BRAF: variants seen among roughly 807,000 people sequenced by gnomAD.
The protein encoded by BRAF is serine/threonine-protein kinase B-raf.
BRAF carries 16 observed loss-of-function variants against 104.6 expected under a neutral mutation model. The observed-to-expected ratio is 0.15, with a 90% CI of 0.10 to 0.23. The LOEUF (loss-of-function observed/expected upper bound fraction) is 0.23. Among genes scored for constraint, BRAF ranks in the 10% least tolerant of loss-of-function variants. The probability of loss-of-function intolerance (pLI) is 1.00; values close to 1 mark genes in which losing one functional copy is unlikely to be tolerated. For missense variants in BRAF, 541 were observed against 937.3 expected (o/e 0.58, Z 5.52); for synonymous variants, 310 against 341.6 (o/e 0.91, Z 1.02).
intron 1 of BRAF, among the ~76,000 whole-genome samples, chr7:140,874,077 T>C (rs975325680): frequency 1.3e-5 from 2 of 151,960 alleles, no homozygotes; most frequent in Admixed American, 6.5e-5. Flanking sequence ...AGTCCAACTA[T>C]AAAACTTGGA....
chr7:140,843,021 T>C (rs928558878), intron 2 of BRAF, among the ~76,000 whole-genome samples: 1 of 152,210 alleles, frequency 6.6e-6, no homozygotes, highest in African/African-American at 2.4e-5. Context: ...GGGGTTTCTG[T>C]TGAAATGTTA....
chr7:140,762,494 G>A (rs1357435508), intron 14 of BRAF, among the ~76,000 whole-genome samples: 4 of 149,646 alleles, frequency 2.7e-5, no homozygotes, highest in Non-Finnish European at 4.4e-5. Context: ...AAAAGCAAGA[G>A]CAAACACATT....
intron 2 of BRAF, among the ~76,000 whole-genome samples, chr7:140,837,579 A>AT (rs1807479712): frequency 6.6e-6 from 1 of 152,084 alleles, no homozygotes; most frequent in Non-Finnish European, 1.5e-5. Flanking sequence ...CAATTGTTCT[A>AT]TTTTTTCCTG....
At chr7:140,742,810 T>C (rs926390418) in intron 17 of BRAF, among the ~76,000 whole-genome samples, 6 of 151,930 alleles carry the variant, frequency 3.9e-5, no homozygotes, top group Admixed American at 3.9e-4. Context: ...AGAAAATTTT[T>C]GCAACCTACT....
rs1795232458 is a variant in BRAF at position 140,719,719 on chromosome 7, A to G, written c.*6775T>C. On this transcript the variant is annotated 3_prime_UTR_variant, in exon 20 of 20. Transcript: ENST00000644969. Reference sequence around the variant, plus strand: ...AATAAATGTCTTTTTTATGAATTGAAAAATAAGCTTTAAAAATAGTTACTC... The same window carrying G: ...AATAAATGTCTTTTTTATGAATTGAGAAATAAGCTTTAAAAATAGTTACTC... 1 of 1,061,694 alleles carries G rather than the reference A, an allele frequency of 9.4e-7. No individual in the cohort carries two copies. Among genetic ancestry groups the G allele is most frequent in the South Asian group, 4.6e-5 (1 of 21,940 alleles). The allele number at this position is 1,061,694 out of a possible 1,614,324, so 65.8% of individuals were successfully genotyped here.
At chr7:140,856,730 TAAAC>T (rs1039910750) in intron 1 of BRAF, among the ~76,000 whole-genome samples, 1 of 150,706 alleles carries the variant, frequency 6.6e-6, no homozygotes. Context: ...ATCTGGGAGG[TAAAC>T]AGGGAATGGG....
Position 140,834,680 on chromosome 7 carries a change from C to A in BRAF, c.433G>T (p.Ala145Ser), listed in dbSNP as rs1369170225. 6.2e-7 allele frequency: 1 copy of A among 1,614,126 alleles called. No homozygotes were observed. The highest frequency in any genetic ancestry group is 8.5e-7 in the Non-Finnish European group (1 of 1,180,002). Reference sequence around the variant, plus strand: ...TGTGGTGACTTGGGGTTGCTCCGTGCCACATCTGTGGGATTTTGAAAAACT... The same window carrying A: ...TGTGGTGACTTGGGGTTGCTCCGTGACACATCTGTGGGATTTTGAAAAACT... ...LSVFQNPTDV[A>S]RSNPKSPQKP... is the part of the protein sequence containing the mutation. The change falls in exon 3 of 20, where the codon GCA becomes TCA. Residue 145 changes from alanine to serine, a missense_variant. By Grantham distance (99) the Ala-to-Ser change is moderately conservative. Around this residue, in one of 10 missense-constraint regions of BRAF, gnomAD observed 86 missense variants for 133.9 expected, o/e 0.64. Transcript: ENST00000644969.
chr7:140,749,970 G>A (rs1392318919), intron 16 of BRAF, among the ~76,000 whole-genome samples: 1 of 152,146 alleles, frequency 6.6e-6, no homozygotes, highest in African/African-American at 2.4e-5. Flanking sequence ...AACATGCCAT[G>A]GATGCTTTAT....
intron 17 of BRAF, among the ~76,000 whole-genome samples, chr7:140,743,419 T>A (rs1376354734): frequency 1.3e-5 from 2 of 152,182 alleles, no homozygotes; most frequent in Admixed American, 1.3e-4. Context: ...TCATGTCCTT[T>A]GTAGGGACAT....
chr7:140,810,693 G>A (rs1229918698), intron 3 of BRAF, among the ~76,000 whole-genome samples: 1 of 152,166 alleles, frequency 6.6e-6, no homozygotes, highest in African/African-American at 2.4e-5. Flanking sequence ...CTCATTACTT[G>A]TGGAGTCCAT....
intron 1 of BRAF, among the ~76,000 whole-genome samples, chr7:140,875,145 T>C (rs1013298069): frequency 1.6e-4 from 25 of 152,148 alleles, no homozygotes; most frequent in African/African-American, 6.0e-4. Flanking sequence ...GAGTAATACA[T>C]CAGGGATCTA....
At chr7:140,906,303 G>A (rs1816327013) in intron 1 of BRAF, among the ~76,000 whole-genome samples, 2 of 151,892 alleles carry the variant, frequency 1.3e-5, no homozygotes, top group Non-Finnish European at 2.9e-5. Flanking sequence ...CTGGGCTCAA[G>A]CGATCCTCTC....
intron 1 of BRAF, among the ~76,000 whole-genome samples, chr7:140,906,393 G>A (rs1431753352): frequency 6.6e-6 from 1 of 152,166 alleles, no homozygotes; most frequent in Non-Finnish European, 1.5e-5. Flanking sequence ...GTAGAGACGG[G>A]ATTTCACTAT....
chr7:140,737,622 G>A (rs1328518080), intron 18 of BRAF, among the ~76,000 whole-genome samples: 1 of 152,028 alleles, frequency 6.6e-6, no homozygotes, highest in East Asian at 1.9e-4. Flanking sequence ...CTATATAGAA[G>A]TTTAAAAATT....
At chr7:140,777,880 A>G (rs1800484291) in intron 13 of BRAF, 111 bp downstream of exon 12, 3 of 1,084,640 alleles carry the variant, frequency 2.8e-6, no homozygotes, top group African/African-American at 1.6e-5. Flanking sequence ...TGTTTCTACA[A>G]ATTTATTCAT....
chr7:140,810,937 T>G (rs1419952294), intron 3 of BRAF, among the ~76,000 whole-genome samples: 2 of 152,202 alleles, frequency 1.3e-5, no homozygotes, highest in African/African-American at 4.8e-5. Context: ...CTTTTGTGCT[T>G]CTTGTTGATG....
At chr7:140,874,332 G>T (rs1811952687) in intron 1 of BRAF, among the ~76,000 whole-genome samples, 1 of 151,248 alleles carries the variant, frequency 6.6e-6, no homozygotes, top group South Asian at 2.1e-4. Context: ...CTCCCGGGTA[G>T]CTGGGATTAC....
chr7:140,914,269 T>C (rs1030680627), intron 1 of BRAF, among the ~76,000 whole-genome samples: 3 of 152,134 alleles, frequency 2.0e-5, no homozygotes, highest in African/African-American at 4.8e-5. Flanking sequence ...GTGCATACCA[T>C]AAGGAGGGGG....
chr7:140,880,058 T>A (rs1335534695), intron 1 of BRAF, among the ~76,000 whole-genome samples: 1 of 152,122 alleles, frequency 6.6e-6, no homozygotes, highest in Non-Finnish European at 1.5e-5. Flanking sequence ...AAGACAACAA[T>A]GAAGTCTGCT....
Sources: allele counts gnomAD v4.1 joint callset (sites outside exome capture counted in the v4.1 genomes callset), GRCh38; gene constraint gnomAD v4.1.1; regional missense constraint gnomAD v4.1.1; transcripts MANE v1.5; gene names NCBI Gene and HGNC (gene_info 2026-07-23, HGNC 2026-07-21).